The following KCNK5 variants were observed in gnomAD, a reference collection of about 807,000 sequenced individuals.
The protein encoded by KCNK5 is potassium channel subfamily K member 5.
A neutral mutation model predicts 32.9 loss-of-function variants in KCNK5; 18 were observed. The ratio of observed to expected loss-of-function variants is 0.55; its 90% CI spans 0.38 to 0.81. The LOEUF is 0.81. Among genes scored for constraint, KCNK5 ranks in the 30% least tolerant of loss-of-function variants. The pLI is 0.00. For missense variants in KCNK5, 507 were observed against 651.0 expected, an observed-to-expected ratio of 0.78 and a Z score of 2.41; for synonymous variants, 276 against 275.3, an observed-to-expected ratio of 1.00 and a Z score of -0.03.
chr6:39,204,042 C>T (rs1022511910), intron 1 of KCNK5, among the ~76,000 whole-genome samples: 1 of 152,262 alleles, frequency 6.6e-6, no homozygotes, highest in Non-Finnish European at 1.5e-5. Flanking sequence ...GCCAACCCAG[C>T]TCGCCTGAGC....
chr6:39,212,865 G>T (rs1771366202), intron 1 of KCNK5, among the ~76,000 whole-genome samples: 1 of 152,204 alleles, frequency 6.6e-6, no homozygotes, highest in South Asian at 2.1e-4. Flanking sequence ...TGCTGCCAAG[G>T]AAGCTAGCAG....
chr6:39,207,917 T>C (rs1267220873), intron 1 of KCNK5, among the ~76,000 whole-genome samples: 1 of 152,138 alleles, frequency 6.6e-6, no homozygotes, highest in Non-Finnish European at 1.5e-5. Flanking sequence ...AGCTGGCTCC[T>C]GACCCTTGTG....
chr6:39,212,735 G>A (rs1159234415), intron 1 of KCNK5, among the ~76,000 whole-genome samples: 1 of 152,146 alleles, frequency 6.6e-6, no homozygotes, highest in Non-Finnish European at 1.5e-5. Context: ...GGGTGTCCCT[G>A]GCCCTGCCAC....
chr6:39,223,416 C>T (rs537420760), intron 1 of KCNK5, among the ~76,000 whole-genome samples: 50 of 152,312 alleles, frequency 3.3e-4, no homozygotes, highest in South Asian at 2.3e-3. Context: ...GGTTCCTCTG[C>T]GTTATTCCAG....
At chr6:39,227,182 C>G (rs1036701020) in intron 1 of KCNK5, among the ~76,000 whole-genome samples, 3 of 145,486 alleles carry the variant, frequency 2.1e-5, no homozygotes, top group Non-Finnish European at 4.5e-5. Context: ...CCACATTTAG[C>G]CTTGAATTCT....
chr6:39,191,070 C>T lies in KCNK5; in HGVS notation c.1320G>A (p.Glu440=), dbSNP rs1770917375. 3 of 1,613,694 alleles carry T rather than the reference C, an allele frequency of 1.9e-6. No homozygotes were observed. Among genetic ancestry groups the T allele is most frequent in the African/African-American group, 1.3e-5 (1 of 74,948 alleles). Residue 440 remains glutamate, a synonymous_variant, in exon 5 of 5, where the codon GAG becomes GAA. Transcript: ENST00000359534. The surrounding 1 kb of genome is among the most constrained non-coding windows in gnomAD (Gnocchi z 5.8). The part of the protein sequence containing the change: ...SDEETSKSSL[E]DNLAGEESPQ... ...GGCTCTCCTCCCCTGCCAAGTTGTC[C>T]TCTAGCGAGGACTTGGAGGTCTCCT...
intron 1 of KCNK5, among the ~76,000 whole-genome samples, chr6:39,199,829 C>T (rs1278911223): frequency 6.6e-6 from 1 of 152,202 alleles, no homozygotes; most frequent in Admixed American, 6.5e-5. Context: ...AGACACCCCT[C>T]GCCGGGGCTT....
chr6:39,195,186 T>C (rs531318687), intron 2 of KCNK5, among the ~76,000 whole-genome samples: 1 of 152,328 alleles, frequency 6.6e-6, no homozygotes, highest in South Asian at 2.1e-4. Flanking sequence ...GAATCTGGGC[T>C]TTAGTGGCTT....
chr6:39,204,338 C>T (rs1442931397), intron 1 of KCNK5, among the ~76,000 whole-genome samples: 1 of 152,224 alleles, frequency 6.6e-6, no homozygotes, highest in Non-Finnish European at 1.5e-5. Context: ...TTGAGATCCT[C>T]GAAGAATCTT....
intron 1 of KCNK5, among the ~76,000 whole-genome samples, chr6:39,211,096 T>C (rs1485199888): frequency 2.6e-5 from 4 of 152,106 alleles, no homozygotes; most frequent in Non-Finnish European, 5.9e-5. Context: ...GGTGGGAAGA[T>C]AGTTTTCACC....
intron 1 of KCNK5, among the ~76,000 whole-genome samples, chr6:39,203,032 C>T (rs1771159113): frequency 6.6e-6 from 1 of 152,082 alleles, no homozygotes; most frequent in Non-Finnish European, 1.5e-5. Flanking sequence ...CACGTGTGTC[C>T]GTCAGGAACA....
intron 1 of KCNK5, among the ~76,000 whole-genome samples, chr6:39,228,141 C>A (rs1362805150): frequency 6.6e-6 from 1 of 152,170 alleles, no homozygotes; most frequent in Non-Finnish European, 1.5e-5. Context: ...AGAAAATAAG[C>A]GGTTCCCAAT....
intron 1 of KCNK5, among the ~76,000 whole-genome samples, chr6:39,207,523 G>C (rs934334399): frequency 6.6e-6 from 1 of 151,992 alleles, no homozygotes; most frequent in African/African-American, 2.4e-5. Context: ...AGGCCCCGGG[G>C]TCTCCTCCCT....
chr6:39,194,409 C>CAGGGAGGCAGCTAGAGG lies in KCNK5; in HGVS notation c.466-89_466-73dup. 6.6e-7 allele frequency: 1 copy of CAGGGAGGCAGCTAGAGG among 1,524,290 alleles called. No homozygotes were observed. Among genetic ancestry groups the CAGGGAGGCAGCTAGAGG allele is most frequent in the Non-Finnish European group, 8.9e-7 (1 of 1,127,940 alleles). The allele number at this position is 1,524,290 out of a possible 1,614,324, so 94.4% of individuals were successfully genotyped here. On this transcript the variant is annotated intron_variant, in intron 3 of 4. Transcript: ENST00000359534. The surrounding 1 kb of genome is among the most constrained non-coding windows in gnomAD (Gnocchi z 4.7). ...AACCCAGCAAAGGCACCCAGAGGGC[C>CAGGGAGGCAGCTAGAGG]AGGGAGGCAGCTAGAGGAGAAGCTA...
At chr6:39,222,800 A>G (rs1202751050) in intron 1 of KCNK5, among the ~76,000 whole-genome samples, 1 of 152,246 alleles carries the variant, frequency 6.6e-6, no homozygotes, top group East Asian at 1.9e-4. Context: ...AAGAAATACT[A>G]TATGACTCCA....
intron 2 of KCNK5, 50 bp downstream of exon 2, chr6:39,195,826 G>T (rs373355853): frequency 2.4e-5 from 34 of 1,395,736 alleles, no homozygotes; most frequent in Non-Finnish European, 3.4e-5. Context: ...GAAAGGTTCT[G>T]AGGAGCTAGG....
At chr6:39,206,127 G>A (rs1169429767) in intron 1 of KCNK5, among the ~76,000 whole-genome samples, 1 of 151,922 alleles carries the variant, frequency 6.6e-6, no homozygotes, top group East Asian at 1.9e-4. Context: ...GAAAGATGGT[G>A]AAGCCAAACA....
intron 1 of KCNK5, among the ~76,000 whole-genome samples, chr6:39,209,425 C>T (rs965623003): frequency 1.3e-5 from 2 of 152,168 alleles, no homozygotes; most frequent in South Asian, 2.1e-4. Context: ...CCAACTGGGG[C>T]GTGGGACGTG....
rs1411754153 is a variant in KCNK5 at position 39,203,660 on chromosome 6, AG to A, written c.187-7674del. ...CAGCCCCCACCCAGCGTGAACATGA[AG>A]CAAGACAATGGGCAGTGGCTCTCGG... On this transcript the variant is annotated intron_variant, in intron 1 of 4. Transcript: ENST00000359534. Among the ~76,000 whole-genome samples the A allele has an allele frequency of 2.6e-5, 4 of 152,206 alleles. No individual in the cohort carries two copies. The East Asian group carries it at 7.7e-4, about 29-fold the overall frequency.
Sources: allele counts gnomAD v4.1 joint callset (sites outside exome capture counted in the v4.1 genomes callset), GRCh38; gene constraint gnomAD v4.1.1; non-coding constraint Gnocchi (gnomAD v3.1); transcripts MANE v1.5; gene names NCBI Gene and HGNC (gene_info 2026-07-23, HGNC 2026-07-21).